The following C3orf20 variants were observed in gnomAD, a reference collection of about 807,000 sequenced individuals.
C3orf20 encodes the protein family with sequence similarity 149 member C.
Under a neutral mutation model 88.3 loss-of-function variants are expected in C3orf20, and 76 were observed. That is an observed-to-expected ratio of 0.86 (90% CI 0.72 to 1.04). C3orf20 has a LOEUF of 1.04. C3orf20 is among the 50% of genes least tolerant of loss of function. The probability of loss-of-function intolerance (pLI) is 0.00; values close to 1 mark genes in which losing one functional copy is unlikely to be tolerated. For missense variants in C3orf20, 1,056 were observed against 1,123.3 expected (o/e 0.94, Z 0.86); for synonymous variants, 436 against 437.4 (o/e 1.00, Z 0.04).
At chr3:14,695,755 T>C (rs1243058489) in intron 5 of C3orf20, among the ~76,000 whole-genome samples, 1 of 152,204 alleles carries the variant, frequency 6.6e-6, no homozygotes, top group Non-Finnish European at 1.5e-5. Flanking sequence ...CTTCCTTGTC[T>C]CTTTCTATAG....
intron 12 of C3orf20, among the ~76,000 whole-genome samples, chr3:14,741,370 T>C (rs571796819): frequency 9.2e-5 from 14 of 152,340 alleles, no homozygotes; most frequent in African/African-American, 2.6e-4. Flanking sequence ...CTGTCATCCC[T>C]GGGTTTACTT....
intron 10 of C3orf20, among the ~76,000 whole-genome samples, chr3:14,725,703 T>C (rs1373070386): frequency 6.6e-6 from 1 of 152,096 alleles, no homozygotes; most frequent in African/African-American, 2.4e-5. Flanking sequence ...TGGGCTGACT[T>C]TGTTGTTCAT....
At chr3:14,738,640 T>C (rs1454095781) in intron 12 of C3orf20, among the ~76,000 whole-genome samples, 1 of 137,432 alleles carries the variant, frequency 7.3e-6, no homozygotes, top group Non-Finnish European at 1.6e-5. Context: ...CTTTTTTTTT[T>C]TTTTTTTTTT....
chr3:14,738,171 T>TA (rs1044091075), intron 12 of C3orf20, among the ~76,000 whole-genome samples: 1 of 146,558 alleles, frequency 6.8e-6, no homozygotes, highest in Non-Finnish European at 1.5e-5. Context: ...TTCCTTTTTT[T>TA]TTTTTTTTTT....
At chr3:14,712,646 C>T (rs191769945) in intron 7 of C3orf20, among the ~76,000 whole-genome samples, 8 of 152,058 alleles carry the variant, frequency 5.3e-5, no homozygotes, top group Admixed American at 3.9e-4. Context: ...CTGTTTTATG[C>T]ATTTATCTTT....
intron 12 of C3orf20, among the ~76,000 whole-genome samples, chr3:14,728,912 G>A (rs2034450348): frequency 6.6e-6 from 1 of 152,180 alleles, no homozygotes; most frequent in Non-Finnish European, 1.5e-5. Flanking sequence ...GTTGGCTATG[G>A]ACCAAATTTG....
At chr3:14,713,940 T>G (rs1468438960) in intron 7 of C3orf20, 67 bp from the exon 8 acceptor site, 4 of 1,574,142 alleles carry the variant, frequency 2.5e-6, no homozygotes, top group Non-Finnish European at 3.5e-6. Context: ...TGGACTTGCT[T>G]CAATGGGACA....
chr3:14,769,465 A>T (rs1343984859), intron 15 of C3orf20, among the ~76,000 whole-genome samples: 1 of 151,888 alleles, frequency 6.6e-6, no homozygotes, highest in Non-Finnish European at 1.5e-5. Context: ...ATGGGAGGGG[A>T]AGCTCTTTAC....
chr3:14,767,256 G>C (rs1238839034), intron 15 of C3orf20: 2 of 152,450 alleles, frequency 1.3e-5, no homozygotes, highest in South Asian at 4.1e-4. Context: ...GCATGGGGTG[G>C]TGGGGAGAGG....
chr3:14,710,167 G>T (rs1278296269), intron 7 of C3orf20, among the ~76,000 whole-genome samples: 1 of 151,140 alleles, frequency 6.6e-6, no homozygotes, highest in African/African-American at 2.4e-5. Flanking sequence ...TCATATTATT[G>T]TATCATTGTC....
intron 12 of C3orf20, 138 bp downstream of exon 12, chr3:14,728,826 C>T (rs962943781): frequency 6.6e-6 from 5 of 755,810 alleles, no homozygotes; most frequent in Non-Finnish European, 1.1e-5. Flanking sequence ...GAGATAAACA[C>T]ATGAATAAAT....
rs192142642 is a variant in C3orf20 at position 14,760,162 on chromosome 3, A to G, written c.2352+164A>G. On this transcript the variant is annotated intron_variant, in intron 14 of 16. Transcript: ENST00000253697. ...TGAGGCCCAGAGAGCAGGAAGACTG[A>G]CCAAGAGTCACCCAGCACACAGAGC... 4.1e-3 allele frequency among the ~76,000 whole-genome samples: 618 copies of G among 152,296 alleles called. 2 individuals are homozygous for G. The highest frequency in any genetic ancestry group is 7.4e-3 in the Non-Finnish European group (504 of 68,024).
At chr3:14,696,371 C>T (rs1575100968) in intron 5 of C3orf20, among the ~76,000 whole-genome samples, 5 of 142,042 alleles carry the variant, frequency 3.5e-5, no homozygotes. Flanking sequence ...GTTGTGCTAT[C>T]ATTATTATTA....
chr3:14,716,114 G>A (rs2033932575), intron 9 of C3orf20, among the ~76,000 whole-genome samples: 1 of 152,162 alleles, frequency 6.6e-6, no homozygotes, highest in Non-Finnish European at 1.5e-5. Context: ...CATCCCACTA[G>A]ATTCCAGTAG....
At chr3:14,696,564 T>C (rs751443361) in intron 5 of C3orf20, among the ~76,000 whole-genome samples, 7 of 151,886 alleles carry the variant, frequency 4.6e-5, no homozygotes, top group Non-Finnish European at 1.0e-4. Flanking sequence ...CTAATTTTTG[T>C]ATTTTTAGTA....
rs572993436 is a variant in C3orf20 at position 14,704,675 on chromosome 3, C to T, written c.1160+57C>T. The T allele has an allele frequency of 3.2e-6, 5 of 1,584,364 alleles. No individual in the cohort carries two copies. The East Asian group carries it at 6.7e-5, about 21-fold the overall frequency. ...CCAGCTACTCAACCCCAGAGAAGTC[C>T]AGGACTTGATACAGCCTAAATGTTT... On this transcript the variant is annotated intron_variant, in intron 7 of 16. Coordinates refer to ENST00000253697, the MANE Select transcript of C3orf20 (RefSeq NM_032137.5).
rs768585324 is a variant in C3orf20 at position 14,714,236 on chromosome 3, C to T, written c.1313+77C>T. 21 of 1,507,682 alleles carry T rather than the reference C, an allele frequency of 1.4e-5. No homozygotes were observed. In the East Asian group the frequency reaches 2.5e-4, roughly 18 times the overall value. The allele number at this position is 1,507,682 out of a possible 1,614,324, so 93.4% of individuals were successfully genotyped here. On this transcript the variant is annotated intron_variant, in intron 8 of 16. Transcript: ENST00000253697. The stretch of plus-strand genomic sequence containing the variant: ...GGAGGGAGGACTGAGGTGGTGACTA[C>T]GAGTCCCTGGTTAAAGAAGAAGCCA...
At chr3:14,694,362 G>A (rs375739744) in intron 5 of C3orf20, among the ~76,000 whole-genome samples, 10 of 151,998 alleles carry the variant, frequency 6.6e-5, no homozygotes, top group Non-Finnish European at 1.3e-4. Context: ...TTTCAATCTC[G>A]TTACTTGTTA....
At chr3:14,697,467 T>G (rs2124922731) in intron 5 of C3orf20, among the ~76,000 whole-genome samples, 1 of 152,230 alleles carries the variant, frequency 6.6e-6, no homozygotes, top group South Asian at 2.1e-4. Context: ...AGATTCTGAC[T>G]CATTCCTCAG....
Sources: allele counts gnomAD v4.1 joint callset (sites outside exome capture counted in the v4.1 genomes callset), GRCh38; gene constraint gnomAD v4.1.1; transcripts MANE v1.5; gene names NCBI Gene and HGNC (gene_info 2026-07-23, HGNC 2026-07-21).